Variants in AK7 observed in about 807,000 individuals in gnomAD.
AK7 encodes adenylate kinase 7.
A neutral mutation model predicts 96.6 loss-of-function variants in AK7; 78 were observed. The ratio of observed to expected loss-of-function variants is 0.81; its 90% CI spans 0.67 to 0.97. The LOEUF (loss-of-function observed/expected upper bound fraction) is 0.97. AK7 is among the 50% of genes least tolerant of loss of function. The pLI is 0.00. For missense variants in AK7, 855 were observed against 887.9 expected, an observed-to-expected ratio of 0.96 and a Z score of 0.47; for synonymous variants, 302 against 317.2, an observed-to-expected ratio of 0.95 and a Z score of 0.51.
intron 12 of AK7, among the ~76,000 whole-genome samples, chr14:96,460,307 G>C (rs1430906667): frequency 6.6e-6 from 1 of 152,110 alleles, no homozygotes; most frequent in Non-Finnish European, 1.5e-5. Context: ...TATCGCCTTC[G>C]GACTCATCTA....
chr14:96,472,784 A>C lies in AK7; in HGVS notation c.1555+29A>C, dbSNP rs371870688. 113 of 1,580,866 alleles carry C rather than the reference A, an allele frequency of 7.1e-5. No individual in the cohort carries two copies. The African/African-American group carries it at 1.3e-3, about 18-fold the overall frequency. On this transcript the variant is annotated intron_variant, in intron 14 of 17. Transcript: ENST00000267584. ...AGTTTATTTCCCTAAGATCACATTTAAAAGAATGTTCTCTGGGCTGGGCGT... is the reference window on the plus strand; with the variant it reads ...AGTTTATTTCCCTAAGATCACATTTCAAAGAATGTTCTCTGGGCTGGGCGT...
intron 6 of AK7, among the ~76,000 whole-genome samples, chr14:96,439,046 G>A (rs1199850353): frequency 6.6e-6 from 1 of 152,170 alleles, no homozygotes; most frequent in Non-Finnish European, 1.5e-5. Context: ...GGGGTACAAT[G>A]CAATGAAAAG....
intron 14 of AK7, among the ~76,000 whole-genome samples, chr14:96,477,565 A>G (rs1595463457): frequency 6.6e-6 from 1 of 152,220 alleles, no homozygotes; most frequent in Admixed American, 6.5e-5. Context: ...ACTGATCCAC[A>G]CTTAAATCTC....
At chr14:96,444,965 G>A (rs1318048511) in intron 7 of AK7, among the ~76,000 whole-genome samples, 2 of 152,182 alleles carry the variant, frequency 1.3e-5, no homozygotes, top group African/African-American at 4.8e-5. Flanking sequence ...TGATCCATCC[G>A]CCTCAGCCTT....
chr14:96,445,829 G>A (rs552027370), intron 7 of AK7, among the ~76,000 whole-genome samples: 1 of 152,292 alleles, frequency 6.6e-6, no homozygotes, highest in South Asian at 2.1e-4. Context: ...TCTATTCACT[G>A]TTGTTTCTCT....
intron 4 of AK7, among the ~76,000 whole-genome samples, chr14:96,417,732 A>G (rs560652324): frequency 6.6e-6 from 1 of 152,186 alleles, no homozygotes; most frequent in East Asian, 1.9e-4. Context: ...GCGCCCTCCA[A>G]TCCATCCTCC....
At chr14:96,420,768 G>C (rs1041587150) in intron 4 of AK7, 54 bp from the exon 5 acceptor site, 10 of 1,252,282 alleles carry the variant, frequency 8.0e-6, no homozygotes, top group African/African-American at 1.5e-5. Context: ...AGCCTTAGAA[G>C]TCACACATCT....
chr14:96,427,017 G>A (rs1566777182), intron 5 of AK7, among the ~76,000 whole-genome samples: 1 of 152,160 alleles, frequency 6.6e-6, no homozygotes. Flanking sequence ...AGGTGGAGGC[G>A]GGCAGATCAC....
Position 96,486,941 on chromosome 14 carries a change from T to C in AK7, c.2018T>C (p.Leu673Pro), listed in dbSNP as rs116298211. 2.3e-3 allele frequency: 3,665 copies of C among 1,614,046 alleles called. 7 individuals carry two copies. Among genetic ancestry groups the C allele is most frequent in the Non-Finnish European group, 2.9e-3 (3,396 of 1,179,910 alleles). The change falls in exon 17 of 18, where the codon CTG becomes CCG. Residue 673 changes from leucine (L) to proline (P), a missense_variant. Physicochemically the swap from Leu to Pro is moderately conservative, Grantham distance 98 (BLOSUM62 -3). Transcript: ENST00000267584. ...GTGAAAAGAGAAGAAAGAGAATTAC[T>C]GGAGGCTCAGTCAATTCCCCTGAGA... ...EEVKREEREL[L>P]EAQSIPLRNY...
At position 96,465,614 on chromosome 14, in the gene AK7, T is replaced by C. The variant is rs535594682; in HGVS notation, c.1358-5864T>C. On this transcript the variant is annotated intron_variant, in intron 12 of 17. Transcript: ENST00000267584. The stretch of plus-strand genomic sequence containing the variant: ...GTAGATTAATGCCAAAAAGCTTTTA[T>C]GAAACTTGTCAGAGTTCAGATTATT... Among the ~76,000 whole-genome samples, 237 of 152,364 alleles carry C rather than the reference T, an allele frequency of 1.6e-3. 1 individual carries two copies. The highest frequency in any genetic ancestry group is 5.4e-3 in the African/African-American group (224 of 41,596).
At chr14:96,451,950 G>T (rs1489386046) in intron 10 of AK7, among the ~76,000 whole-genome samples, 2 of 152,114 alleles carry the variant, frequency 1.3e-5, no homozygotes, top group African/African-American at 4.8e-5. Context: ...ATATTAAATA[G>T]GTAAAAATAT....
At chr14:96,404,925 TA>T in intron 3 of AK7, 60 bp downstream of exon 3, 1 of 1,245,210 alleles carries the variant, frequency 8.0e-7, no homozygotes, top group South Asian at 1.4e-5. Flanking sequence ...CTACTTCACC[TA>T]ATAGTCATCT....
At chr14:96,394,316 C>T (rs1487300054) in intron 1 of AK7, among the ~76,000 whole-genome samples, 2 of 152,090 alleles carry the variant, frequency 1.3e-5, no homozygotes, top group Non-Finnish European at 2.9e-5. Flanking sequence ...GCCCAGGGCC[C>T]ATGAGACTTT....
At chr14:96,411,926 G>A (rs771469873) in intron 4 of AK7, among the ~76,000 whole-genome samples, 7 of 152,222 alleles carry the variant, frequency 4.6e-5, no homozygotes, top group Non-Finnish European at 7.3e-5. Flanking sequence ...GCCACTGGGC[G>A]CCAAGGACTG....
At chr14:96,487,620 G>T (rs982243545) in intron 17 of AK7, among the ~76,000 whole-genome samples, 1 of 151,214 alleles carries the variant, frequency 6.6e-6, no homozygotes, top group Non-Finnish European at 1.5e-5. Context: ...GTAGAGACAG[G>T]GTTTCACCAT....
intron 12 of AK7, among the ~76,000 whole-genome samples, chr14:96,462,103 C>T (rs1385416036): frequency 6.6e-6 from 1 of 152,118 alleles, no homozygotes; most frequent in Admixed American, 6.6e-5. Flanking sequence ...CTGTTCTTCC[C>T]CCAGGTGTGA....
chr14:96,460,240 C>A (rs1242931644), intron 12 of AK7, among the ~76,000 whole-genome samples: 1 of 152,212 alleles, frequency 6.6e-6, no homozygotes, highest in East Asian at 1.9e-4. Flanking sequence ...AAAATAAAGC[C>A]ATTTCATCAT....
chr14:96,423,538 G>A (rs1891834732), intron 5 of AK7, among the ~76,000 whole-genome samples: 1 of 152,192 alleles, frequency 6.6e-6, no homozygotes, highest in Non-Finnish European at 1.5e-5. Flanking sequence ...ATAAAGGCCA[G>A]GCAGCAGGAA....
intron 4 of AK7, among the ~76,000 whole-genome samples, chr14:96,418,729 G>T (rs899053855): frequency 6.6e-6 from 1 of 151,954 alleles, no homozygotes; most frequent in Non-Finnish European, 1.5e-5. Context: ...ATGTTGTCCA[G>T]GCTGGTCTTG....
Sources: gnomAD v4.1 joint callset for allele counts (sites outside exome capture counted in the v4.1 genomes callset) on GRCh38, gnomAD v4.1.1 for gene constraint, MANE v1.5 for transcripts, NCBI Gene and HGNC (gene_info 2026-07-23, HGNC 2026-07-21) for gene names.